The following LIN28B variants were observed in gnomAD, a reference collection of about 807,000 sequenced individuals.
The protein encoded by LIN28B is lin-28 RNA binding posttranscriptional regulator B.
Under a neutral mutation model 21.9 loss-of-function variants are expected in LIN28B, and 5 were observed. The observed-to-expected ratio is 0.23, with a 90% CI of 0.12 to 0.48. LIN28B has a LOEUF of 0.48. LIN28B is among the 20% of genes least tolerant of loss of function. The probability of loss-of-function intolerance (pLI) is 0.98; values close to 1 mark genes in which losing one functional copy is unlikely to be tolerated. For missense variants in LIN28B, 245 were observed against 310.5 expected, an observed-to-expected ratio of 0.79 and a Z score of 1.58; for synonymous variants, 109 against 111.3, an observed-to-expected ratio of 0.98 and a Z score of 0.13.
intron 2 of LIN28B, among the ~76,000 whole-genome samples, chr6:104,961,679 C>T (rs1011353861): frequency 3.3e-5 from 5 of 152,082 alleles, no homozygotes; most frequent in African/African-American, 7.2e-5. Context: ...GGATTACAGG[C>T]GTGAGCCACC....
chr6:104,975,372 A>G (rs1451183958), intron 2 of LIN28B, among the ~76,000 whole-genome samples: 1 of 152,102 alleles, frequency 6.6e-6, no homozygotes, highest in Non-Finnish European at 1.5e-5. Context: ...AGTTTTATAC[A>G]TTAACATTTA....
chr6:104,982,667 G>C (rs1480520123), intron 2 of LIN28B, among the ~76,000 whole-genome samples: 1 of 152,106 alleles, frequency 6.6e-6, no homozygotes, highest in Non-Finnish European at 1.5e-5. Flanking sequence ...GTGGTTGCAT[G>C]GAGACAAGTA....
chr6:104,978,744 G>A (rs561765606), intron 2 of LIN28B, among the ~76,000 whole-genome samples: 18 of 152,216 alleles, frequency 1.2e-4, no homozygotes, highest in African/African-American at 4.3e-4. Context: ...GATTTTTGTA[G>A]TGAACACTGT....
At chr6:104,951,989 T>C (rs1241220929) in intron 3 of LIN28B, among the ~76,000 whole-genome samples, 1 of 152,216 alleles carries the variant, frequency 6.6e-6, no homozygotes, top group African/African-American at 2.4e-5. Flanking sequence ...ACTTGTCTCA[T>C]CTTTTACCCT....
chr6:104,997,655 G>A (rs141236161), intron 2 of LIN28B, among the ~76,000 whole-genome samples: 1 of 151,950 alleles, frequency 6.6e-6, no homozygotes, highest in Non-Finnish European at 1.5e-5. Flanking sequence ...TTGACATTTG[G>A]TGATGATGAT....
At chr6:104,987,307 G>C (rs911968248) in intron 2 of LIN28B, among the ~76,000 whole-genome samples, 2 of 151,852 alleles carry the variant, frequency 1.3e-5, no homozygotes, top group African/African-American at 2.4e-5. Flanking sequence ...TATCGCCCTT[G>C]CATCTTGCAA....
rs142920673 is a variant in LIN28B at position 105,032,996 on chromosome 6, C to T, written c.383+6514C>T. 3.5e-3 allele frequency among the ~76,000 whole-genome samples: 526 copies of T among 152,026 alleles called. 4 individuals carry two copies. The highest frequency in any genetic ancestry group is 0.012 in the African/African-American group (496 of 41,470). On this transcript the variant is annotated intron_variant, in intron 3 of 3. Coordinates refer to ENST00000345080, the MANE Select transcript of LIN28B (RefSeq NM_001004317.4). The stretch of plus-strand genomic sequence containing the variant: ...TATTTTCTCCCTGACTGTGGCTTGT[C>T]GTTTCAATCTCTTAAATATCTTTTC...
chr6:104,989,464 C>G (rs1446078285), intron 2 of LIN28B, among the ~76,000 whole-genome samples: 1 of 152,112 alleles, frequency 6.6e-6, no homozygotes, highest in African/African-American at 2.4e-5. Flanking sequence ...CTCAAGCAGT[C>G]CGCCCACCTT....
At chr6:104,990,956 CCTT>C (rs1423579980) in intron 2 of LIN28B, among the ~76,000 whole-genome samples, 2 of 152,208 alleles carry the variant, frequency 1.3e-5, no homozygotes, top group African/African-American at 2.4e-5. Context: ...TCCTATGTCT[CCTT>C]CTTTCTACAC....
At chr6:104,957,637 A>G (rs971542369) in intron 1 of LIN28B, among the ~76,000 whole-genome samples, 17 of 152,158 alleles carry the variant, frequency 1.1e-4, no homozygotes, top group Middle Eastern at 3.4e-3. Context: ...ATTGCAAATA[A>G]CGCTGGATTC....
At chr6:104,960,085 C>G (rs1481974222) in intron 2 of LIN28B, among the ~76,000 whole-genome samples, 2 of 152,018 alleles carry the variant, frequency 1.3e-5, no homozygotes, top group Non-Finnish European at 2.9e-5. Context: ...ATAGCTGTTT[C>G]TATACTATAA....
At chr6:104,948,239 C>A (rs1013377609) in intron 2 of LIN28B, among the ~76,000 whole-genome samples, 1 of 152,078 alleles carries the variant, frequency 6.6e-6, no homozygotes, top group Admixed American at 6.6e-5. Context: ...GAGGCCGAGG[C>A]GGGTGGATCA....
At chr6:104,959,755 A>G (rs1323739836) in intron 2 of LIN28B, among the ~76,000 whole-genome samples, 2 of 152,186 alleles carry the variant, frequency 1.3e-5, no homozygotes, top group African/African-American at 2.4e-5. Context: ...AAAATCATAG[A>G]CAAATCCATT....
chr6:105,021,616 AT>A (rs1288900238), intron 2 of LIN28B, among the ~76,000 whole-genome samples: 1 of 152,140 alleles, frequency 6.6e-6, no homozygotes, highest in Non-Finnish European at 1.5e-5. Flanking sequence ...AACATTTTTC[AT>A]ACACCTGTTG....
intron 2 of LIN28B, among the ~76,000 whole-genome samples, chr6:104,978,631 T>C (rs1327224786): frequency 6.6e-6 from 1 of 151,872 alleles, no homozygotes; most frequent in East Asian, 1.9e-4. Context: ...GTGAGTCCGA[T>C]AAAAGGGGTG....
chr6:104,944,971 A>G (rs535094971), intron 2 of LIN28B, among the ~76,000 whole-genome samples: 34 of 152,206 alleles, frequency 2.2e-4, no homozygotes, highest in Admixed American at 8.5e-4. Context: ...CATGTTTACA[A>G]TTTTCTAGAT....
At chr6:105,073,479 C>T (rs1772370334) in intron 3 of LIN28B, among the ~76,000 whole-genome samples, 1 of 152,094 alleles carries the variant, frequency 6.6e-6, no homozygotes, top group African/African-American at 2.4e-5. Context: ...AAAGCTTGCA[C>T]TTCTTTCTCT....
chr6:104,958,025 A>T (rs565411475), intron 1 of LIN28B, 74 bp from the exon 2 acceptor site: 148 of 852,788 alleles, frequency 1.7e-4, no homozygotes, highest in South Asian at 3.5e-4. Context: ...CAGGCAGGCA[A>T]TTTTTTTTTT....
At chr6:105,044,075 T>C (rs1390927731) in intron 3 of LIN28B, among the ~76,000 whole-genome samples, 1 of 152,192 alleles carries the variant, frequency 6.6e-6, no homozygotes, top group Non-Finnish European at 1.5e-5. Flanking sequence ...CAAATAATTA[T>C]CTATATTTTT....
Sources: gnomAD v4.1 joint callset for allele counts (sites outside exome capture counted in the v4.1 genomes callset) on GRCh38, gnomAD v4.1.1 for gene constraint, MANE v1.5 for transcripts, NCBI Gene and HGNC (gene_info 2026-07-23, HGNC 2026-07-21) for gene names.